The following TMEM161A variants were observed in gnomAD, a reference collection of about 807,000 sequenced individuals.
TMEM161A encodes adaptive response to oxidative stress protein 29.
A neutral mutation model predicts 57.1 loss-of-function variants in TMEM161A; 46 were observed. That is an observed-to-expected ratio of 0.81 (90% CI 0.64 to 1.03). TMEM161A has a LOEUF of 1.03. Ranked by LOEUF, TMEM161A falls within the 50% of genes least tolerant of loss-of-function variation. The pLI, the probability that TMEM161A is intolerant of heterozygous loss-of-function variation, is 0.00. For missense variants in TMEM161A, 601 were observed against 621.5 expected, an observed-to-expected ratio of 0.97 and a Z score of 0.35; for synonymous variants, 288 against 279.0, an observed-to-expected ratio of 1.03 and a Z score of -0.32.
chr19:19,132,620 G>C lies in TMEM161A; in HGVS notation c.286+37C>G. The C allele has an allele frequency of 6.4e-7, 1 of 1,556,208 alleles. No individual in the cohort carries two copies. The highest frequency in any genetic ancestry group is 8.7e-7 in the Non-Finnish European group (1 of 1,149,726). ...TGAGGGTGTGGAGACCTTCAGGGCT[G>C]AGGGAGTAGAGTTTAGGGATGGGAC... is the stretch of plus-strand genomic sequence containing the variant. On this transcript the variant is annotated intron_variant, in intron 4 of 11. Coordinates refer to ENST00000162044, the MANE Select transcript of TMEM161A (RefSeq NM_017814.3). The surrounding 1 kb of genome is among the most constrained non-coding windows in gnomAD (Gnocchi z 4.3).
In TMEM161A at chr19:19,121,475, C is replaced by T; in HGVS notation, c.800+50G>A. ...GCCTGGGTACCCCCTCTCCTCGAGTCTCTCCCTTAAGCTCCCTAGTCCCCC... is the reference window on the plus strand; with the variant it reads ...GCCTGGGTACCCCCTCTCCTCGAGTTTCTCCCTTAAGCTCCCTAGTCCCCC... On this transcript the variant is annotated intron_variant, in intron 8 of 11. Transcript: ENST00000162044. This position sits in a 1 kb window ranked among gnomAD's most constrained non-coding sequence, Gnocchi z 5.8. The T allele has an allele frequency of 1.2e-6, 2 of 1,613,694 alleles. No individual in the cohort carries two copies. Among genetic ancestry groups the T allele is most frequent in the Non-Finnish European group, 1.7e-6 (2 of 1,179,728 alleles).
chr19:19,132,494 G>C lies in TMEM161A; in HGVS notation c.301C>G (p.Leu101Val). Residue 101 changes from leucine to valine, a missense_variant, in exon 5 of 12, where the codon CTG (leucine) becomes GTG (valine). Transcript: ENST00000162044. This position sits in a 1 kb window ranked among gnomAD's most constrained non-coding sequence, Gnocchi z 4.3. Reference protein sequence around the residue: ...TVDALVLRFFLEYQWFVDFAV... With the variant: ...TVDALVLRFFVEYQWFVDFAV... ...AAGTCCACAAACCACTGGTACTCCA[G>C]GAAGAAGCGCAGGACTGTGGGGGGC... 1.2e-6 allele frequency: 2 copies of C among 1,613,984 alleles called. No individual in the cohort carries two copies. The highest frequency in any genetic ancestry group is 1.7e-6 in the Non-Finnish European group (2 of 1,179,880).
At chr19:19,130,336 G>A in intron 5 of TMEM161A, 29 bp from the exon 6 acceptor site, 3 of 1,610,126 alleles carry the variant, frequency 1.9e-6, no homozygotes, top group Non-Finnish European at 1.7e-6. Flanking sequence ...GAGGCCTCAG[G>A]TGCCACTGCC....
At chr19:19,126,210 G>A (rs572752904) in intron 6 of TMEM161A, among the ~76,000 whole-genome samples, 1 of 151,390 alleles carries the variant, frequency 6.6e-6, no homozygotes. Flanking sequence ...TGATTTTAGG[G>A]AAGGATATTT....
At chr19:19,133,319 A>C in intron 2 of TMEM161A, 109 bp from the exon 3 acceptor site, 1 of 943,126 alleles carries the variant, frequency 1.1e-6, no homozygotes, top group Non-Finnish European at 1.7e-6. Flanking sequence ...AGGCCAGGGG[A>C]ACACTGGGAG....
Position 19,121,076 on chromosome 19 carries a change from C to T in TMEM161A, c.1005G>A (p.Gln335=). Residue 335 remains glutamine, a synonymous_variant, in exon 10 of 12, where the codon CAG becomes CAA. Transcript: ENST00000162044. The surrounding 1 kb of genome is among the most constrained non-coding windows in gnomAD (Gnocchi z 5.8). ...GGGCCTTGGCCAGGCACAGGTAGGC[C>T]TGCAGGTGGGGCCGGGTCACCGCCA... The part of the protein sequence containing the change: ...LRLAVTRPHL[Q]AYLCLAKARV... 6.2e-7 allele frequency: 1 copy of T among 1,611,976 alleles called. No homozygotes were observed. The highest frequency in any genetic ancestry group is 8.5e-7 in the Non-Finnish European group (1 of 1,179,598).
intron 5 of TMEM161A, 142 bp from the exon 6 acceptor site, chr19:19,130,449 T>C: frequency 2.0e-6 from 2 of 1,006,734 alleles, no homozygotes; most frequent in Non-Finnish European, 2.9e-6. Flanking sequence ...GGAGTTCGGT[T>C]TTGGGGTGCT....
chr19:19,123,793 G>A (rs766017538), intron 6 of TMEM161A, among the ~76,000 whole-genome samples: 5 of 152,182 alleles, frequency 3.3e-5, no homozygotes, highest in African/African-American at 4.8e-5. Flanking sequence ...CAGGCGCGGT[G>A]GCTCACACCT....
chr19:19,135,323 A>C (rs924151600), intron 1 of TMEM161A, among the ~76,000 whole-genome samples: 1 of 151,126 alleles, frequency 6.6e-6, no homozygotes, highest in African/African-American at 2.4e-5. Flanking sequence ...TGCACCCCAC[A>C]CTGTCACCTA....
chr19:19,135,608 C>G (rs1449793640), intron 1 of TMEM161A, among the ~76,000 whole-genome samples: 1 of 152,098 alleles, frequency 6.6e-6, no homozygotes, highest in Non-Finnish European at 1.5e-5. Context: ...CAGGGTCTTG[C>G]TCTGTCACCC....
intron 2 of TMEM161A, 109 bp downstream of exon 2, chr19:19,134,675 C>G (rs147090429): frequency 8.0e-6 from 6 of 749,074 alleles, no homozygotes; most frequent in South Asian, 6.8e-5. Context: ...TTTTTCCCCC[C>G]ACCACCCACC....
At position 19,121,320 on chromosome 19, in the gene TMEM161A, G is replaced by A. The variant is rs777477636; in HGVS notation, c.902C>T (p.Thr301Met). ...DFLHQPPFGE[T>M]RFSLLSDSAF... ...ACCCAATACGCACAGGGAGAAACGC[G>A]TCTCCCCAAACGGCGGCTGGTGCAG... The change falls in exon 9 of 12, where the codon ACG becomes ATG. Residue 301 changes from threonine (T) to methionine (M), a missense_variant. Transcript: ENST00000162044. The surrounding 1 kb of genome is among the most constrained non-coding windows in gnomAD (Gnocchi z 5.8). 12 of 1,568,482 alleles carry A rather than the reference G, an allele frequency of 7.7e-6. No individual in the cohort carries two copies. Among genetic ancestry groups the A allele is most frequent in the Non-Finnish European group, 9.5e-6 (11 of 1,156,886 alleles).
At chr19:19,138,137 G>C (rs747904359) in intron 1 of TMEM161A, among the ~76,000 whole-genome samples, 16 of 152,072 alleles carry the variant, frequency 1.1e-4, no homozygotes, top group Non-Finnish European at 1.8e-4. Flanking sequence ...GTGGGACCAC[G>C]ACCCCTCAAA....
Position 19,121,369 on chromosome 19 carries a change from T to C in TMEM161A, c.853A>G (p.Thr285Ala), listed in dbSNP as rs752375363. ...AGGAAGTCCCGTGCAATGGGCTTTG[T>C]CCAGAGCCACAGGATGAACAGGGGA... ...LSPLFILWLW[T>A]KPIARDFLHQ... is the part of the protein sequence containing the mutation. Residue 285 changes from threonine to alanine, a missense_variant, in exon 9 of 12, where the codon ACA (threonine) becomes GCA (alanine). Transcript: ENST00000162044. This position sits in a 1 kb window ranked among gnomAD's most constrained non-coding sequence, Gnocchi z 5.8. The C allele has an allele frequency of 3.1e-6, 5 of 1,607,550 alleles. No individual in the cohort carries two copies. The highest frequency in any genetic ancestry group is 4.2e-6 in the Non-Finnish European group (5 of 1,177,256).
Position 19,134,893 on chromosome 19 carries a change from G to C in TMEM161A, c.4-6C>G. The C allele has an allele frequency of 6.4e-7, 1 of 1,574,374 alleles. No individual in the cohort carries two copies. The highest frequency in any genetic ancestry group is 1.2e-5 in the South Asian group (1 of 85,998). ...AGCTGTACTCCGAGGACCGCCTGGG[G>C]GGAGGGGACATGACTGGCAGCACCT... On this transcript the variant is annotated splice_region_variant and splice_polypyrimidine_tract_variant and intron_variant, in intron 1 of 11. Coordinates refer to ENST00000162044, the MANE Select transcript of TMEM161A (RefSeq NM_017814.3).
At chr19:19,137,913 T>C (rs543557093) in intron 1 of TMEM161A, among the ~76,000 whole-genome samples, 3 of 152,256 alleles carry the variant, frequency 2.0e-5, no homozygotes, top group South Asian at 2.1e-4. Flanking sequence ...TCTGAGAACC[T>C]TGCCCGCCCT....
chr19:19,125,446 G>A (rs1318029081), intron 6 of TMEM161A, among the ~76,000 whole-genome samples: 1 of 151,646 alleles, frequency 6.6e-6, no homozygotes, highest in African/African-American at 2.4e-5. Context: ...TGCCTCCGGG[G>A]TTCAAGTGAT....
rs765054889 is a variant in TMEM161A at position 19,121,482 on chromosome 19, T to G, written c.800+43A>C. 12 of 1,613,546 alleles carry G rather than the reference T, an allele frequency of 7.4e-6. No individual in the cohort carries two copies. Among genetic ancestry groups the G allele is most frequent in the Non-Finnish European group, 1.0e-5 (12 of 1,179,652 alleles). Reference sequence around the variant, plus strand: ...TACCCCCTCTCCTCGAGTCTCTCCCTTAAGCTCCCTAGTCCCCCCACCCAC... The same window carrying G: ...TACCCCCTCTCCTCGAGTCTCTCCCGTAAGCTCCCTAGTCCCCCCACCCAC... On this transcript the variant is annotated intron_variant, in intron 8 of 11. Coordinates refer to ENST00000162044, the MANE Select transcript of TMEM161A (RefSeq NM_017814.3). The surrounding 1 kb of genome is among the most constrained non-coding windows in gnomAD (Gnocchi z 5.8).
chr19:19,121,261 G>T lies in TMEM161A; in HGVS notation c.914+47C>A. The T allele has an allele frequency of 6.4e-7, 1 of 1,552,058 alleles. No individual in the cohort carries two copies. The highest frequency in any genetic ancestry group is 8.7e-7 in the Non-Finnish European group (1 of 1,147,140). ...TCCTCCCTGAATCTCAGAGGCTAGG[G>T]CACCCAGGGGAGCCCCAGCTACCTC... On this transcript the variant is annotated intron_variant, in intron 9 of 11. Coordinates refer to ENST00000162044, the MANE Select transcript of TMEM161A (RefSeq NM_017814.3). The surrounding 1 kb of genome is among the most constrained non-coding windows in gnomAD (Gnocchi z 5.8).
Sources: allele counts gnomAD v4.1 joint callset (sites outside exome capture counted in the v4.1 genomes callset), GRCh38; gene constraint gnomAD v4.1.1; non-coding constraint Gnocchi (gnomAD v3.1); transcripts MANE v1.5; gene names NCBI Gene and HGNC (gene_info 2026-07-23, HGNC 2026-07-21).